PEX7: variants seen among roughly 807,000 people sequenced by gnomAD.
PEX7 encodes PTS2 receptor.
In PEX7, 34 loss-of-function variants were observed where a neutral mutation model predicts 47.5. That is an observed-to-expected ratio of 0.72 (90% CI 0.54 to 0.95). The LOEUF (loss-of-function observed/expected upper bound fraction) is 0.95, where lower values mean the gene tolerates loss of function less well. PEX7 is among the 40% of genes least tolerant of loss of function. PEX7 has a pLI of 0.00. For missense variants in PEX7, 394 were observed against 400.3 expected, an observed-to-expected ratio of 0.98 and a Z score of 0.13; for synonymous variants, 141 against 148.8, an observed-to-expected ratio of 0.95 and a Z score of 0.38.
In PEX7 at chr6:136,872,261, G is replaced by A. The variant is rs1282924090; in HGVS notation, c.803+8G>A. The A allele has an allele frequency of 6.2e-7, 1 of 1,603,316 alleles. No homozygotes were observed. Among genetic ancestry groups the A allele is most frequent in the Non-Finnish European group, 8.5e-7 (1 of 1,173,844 alleles). ...GTATGATTTTACTGTAAGGTACAGT[G>A]GTTTTTAATACATTTCATTGTGAAA... is the stretch of plus-strand genomic sequence containing the variant. On this transcript the variant is annotated splice_region_variant and intron_variant, in intron 8 of 9. Transcript: ENST00000318471.
intron 5 of PEX7, among the ~76,000 whole-genome samples, chr6:136,857,962 T>C (rs723286): frequency 0.64 from 97,010 of 151,968 alleles, 31,084 homozygotes; most frequent in African/African-American, 0.69. Context: ...GGGCCACAGG[T>C]GTGCGCCACC....
intron 7 of PEX7, among the ~76,000 whole-genome samples, chr6:136,871,134 C>G (rs1775172669): frequency 6.6e-6 from 1 of 152,066 alleles, no homozygotes; most frequent in Non-Finnish European, 1.5e-5. Context: ...AAAATATGCT[C>G]TATGTATATT....
intron 5 of PEX7, among the ~76,000 whole-genome samples, chr6:136,858,205 T>G (rs1289522099): frequency 6.6e-6 from 1 of 152,180 alleles, no homozygotes; most frequent in Non-Finnish European, 1.5e-5. Flanking sequence ...GGTTGGCTGG[T>G]CAGGTCACTT....
intron 9 of PEX7, among the ~76,000 whole-genome samples, chr6:136,898,777 G>A (rs1390578201): frequency 6.6e-6 from 1 of 151,946 alleles, no homozygotes; most frequent in Non-Finnish European, 1.5e-5. Context: ...GGACTTGAGA[G>A]TAGACACTTT....
At chr6:136,823,270 A>C (rs1409451910) in intron 1 of PEX7, 3 of 985,214 alleles carry the variant, frequency 3.0e-6, no homozygotes, top group Non-Finnish European at 2.4e-6. Flanking sequence ...TGGCCTTCCT[A>C]AGGACGATGC....
intron 9 of PEX7, among the ~76,000 whole-genome samples, chr6:136,911,380 C>T (rs192838455): frequency 8.5e-5 from 13 of 152,066 alleles, no homozygotes; most frequent in Admixed American, 3.9e-4. Context: ...AATTTGTTAC[C>T]GATTCTTTTG....
At position 136,846,132 on chromosome 6, in the gene PEX7, T is replaced by C; in HGVS notation, c.477T>C (p.Tyr159=). 6.2e-7 allele frequency: 1 copy of C among 1,613,746 alleles called. No homozygotes were observed. Among genetic ancestry groups the C allele is most frequent in the Non-Finnish European group, 8.5e-7 (1 of 1,179,702 alleles). The change falls in exon 5 of 10, where the codon TAT becomes TAC. Residue 159 remains tyrosine, a synonymous_variant. Transcript: ENST00000318471. ...CTFRGHESII[Y]STIWSPHIPG... ...TTAGAGGCCATGAAAGTATTATTTA[T>C]AGCACAATCTGGTCTCCCCACATCC...
chr6:136,890,183 C>T (rs73553204), intron 8 of PEX7, among the ~76,000 whole-genome samples: 188 of 152,272 alleles, frequency 1.2e-3, no homozygotes, highest in African/African-American at 4.3e-3. Flanking sequence ...TTTAAAAAAC[C>T]GTAATTATTC....
At chr6:136,882,161 C>A in intron 8 of PEX7, among the ~76,000 whole-genome samples, 1 of 150,328 alleles carries the variant, frequency 6.7e-6, no homozygotes, top group South Asian at 2.1e-4. Context: ...ATTGCTTTTC[C>A]CCCTCTTCTT....
chr6:136,846,927 A>G (rs1774616378), intron 5 of PEX7, among the ~76,000 whole-genome samples: 3 of 152,342 alleles, frequency 2.0e-5, no homozygotes, highest in Admixed American at 1.3e-4. Context: ...ACTGTCTTCC[A>G]CAATGGTTGA....
intron 9 of PEX7, among the ~76,000 whole-genome samples, chr6:136,901,724 CAT>C (rs1775757038): frequency 6.6e-6 from 1 of 152,218 alleles, no homozygotes; most frequent in Non-Finnish European, 1.5e-5. Context: ...GTGAAGAATT[CAT>C]AGTCACTTAA....
At chr6:136,825,906 A>G (rs1162754873) in intron 2 of PEX7, among the ~76,000 whole-genome samples, 2 of 152,156 alleles carry the variant, frequency 1.3e-5, no homozygotes, top group Admixed American at 6.6e-5. Flanking sequence ...GCTTGAGTCC[A>G]GTTCAAGGCT....
chr6:136,853,589 A>T (rs529762657), intron 5 of PEX7, among the ~76,000 whole-genome samples: 17 of 152,334 alleles, frequency 1.1e-4, no homozygotes, highest in African/African-American at 4.1e-4. Flanking sequence ...TTTTAAAAGT[A>T]AAAAATGACC....
At chr6:136,827,849 G>T (rs1054452263) in intron 3 of PEX7, among the ~76,000 whole-genome samples, 1 of 151,662 alleles carries the variant, frequency 6.6e-6, no homozygotes, top group African/African-American at 2.4e-5. Flanking sequence ...GTGTGTGTGT[G>T]TTTTTTTGTT....
intron 5 of PEX7, among the ~76,000 whole-genome samples, chr6:136,862,991 C>G (rs973243052): frequency 4.6e-5 from 7 of 152,182 alleles, no homozygotes; most frequent in Non-Finnish European, 1.0e-4. Context: ...CATGAGAGAT[C>G]ATTTCATCAA....
intron 3 of PEX7, among the ~76,000 whole-genome samples, chr6:136,839,972 G>C (rs1774465493): frequency 6.6e-6 from 1 of 152,088 alleles, no homozygotes; most frequent in African/African-American, 2.4e-5. Context: ...GGGGCAGGGA[G>C]GGCATCCTTT....
At chr6:136,865,380 C>T (rs1409567413) in intron 5 of PEX7, among the ~76,000 whole-genome samples, 1 of 152,160 alleles carries the variant, frequency 6.6e-6, no homozygotes, top group African/African-American at 2.4e-5. Context: ...CTCACTGCAA[C>T]CTCTGCCTCC....
chr6:136,830,884 T>C (rs992552729), intron 3 of PEX7, among the ~76,000 whole-genome samples: 1 of 152,174 alleles, frequency 6.6e-6, no homozygotes, highest in Non-Finnish European at 1.5e-5. Flanking sequence ...ATAACATATT[T>C]GATCCATTGA....
chr6:136,846,874 G>A (rs1774614683), intron 5 of PEX7, among the ~76,000 whole-genome samples: 1 of 152,178 alleles, frequency 6.6e-6, no homozygotes, highest in Non-Finnish European at 1.5e-5. Flanking sequence ...GAATGGCTGG[G>A]TCAAATGGTA....
Sources: gnomAD v4.1 joint callset for allele counts (sites outside exome capture counted in the v4.1 genomes callset) on GRCh38, gnomAD v4.1.1 for gene constraint, MANE v1.5 for transcripts, NCBI Gene and HGNC (gene_info 2026-07-23, HGNC 2026-07-21) for gene names.